The following ZCCHC4 variants were observed in gnomAD, a reference collection of about 807,000 sequenced individuals.
The protein encoded by ZCCHC4 is zinc finger CCHC-type containing 4, also known as rRNA N(6)-adenosine-methyltransferase ZCCHC4.
A neutral mutation model predicts 67.7 loss-of-function variants in ZCCHC4; 54 were observed. That is an observed-to-expected ratio of 0.80 (90% CI 0.64 to 1.00). The LOEUF is 1.00. ZCCHC4 is among the 50% of genes least tolerant of loss of function. The pLI, the probability that ZCCHC4 is intolerant of heterozygous loss-of-function variation, is 0.00. For synonymous variants in ZCCHC4, 198 were observed against 213.5 expected (o/e 0.93, Z 0.63); for missense variants, 609 against 617.0 (o/e 0.99, Z 0.14).
chr4:25,321,565 G>A (rs1470748072), intron 3 of ZCCHC4, among the ~76,000 whole-genome samples: 4 of 151,772 alleles, frequency 2.6e-5, no homozygotes, highest in Non-Finnish European at 5.9e-5. Context: ...TAGAGACAGG[G>A]TTTCACCATG....
At chr4:25,314,372 T>C (rs1051728842) in intron 2 of ZCCHC4, among the ~76,000 whole-genome samples, 2 of 152,224 alleles carry the variant, frequency 1.3e-5, no homozygotes, top group African/African-American at 4.8e-5. Flanking sequence ...AAGTCTTATT[T>C]CCCCATAAGA....
At chr4:25,344,101 A>G (rs1447609286) in intron 5 of ZCCHC4, among the ~76,000 whole-genome samples, 2 of 152,204 alleles carry the variant, frequency 1.3e-5, no homozygotes, top group South Asian at 2.1e-4. Context: ...GTACAAATAC[A>G]GTTAAGAAAT....
chr4:25,353,507 A>G (rs1444642952), intron 8 of ZCCHC4, among the ~76,000 whole-genome samples: 1 of 152,234 alleles, frequency 6.6e-6, no homozygotes, highest in Non-Finnish European at 1.5e-5. Context: ...GATAGCTGAC[A>G]TATTCTAAAG....
At chr4:25,320,957 ACTTT>A (rs1033730790) in intron 3 of ZCCHC4, among the ~76,000 whole-genome samples, 1 of 152,048 alleles carries the variant, frequency 6.6e-6, no homozygotes, top group African/African-American at 2.4e-5. Flanking sequence ...ATTGCTTTGA[ACTTT>A]CTTTCTTCCC....
chr4:25,368,568 G>A (rs539557725), intron 12 of ZCCHC4, among the ~76,000 whole-genome samples: 1 of 152,218 alleles, frequency 6.6e-6, no homozygotes, highest in South Asian at 2.1e-4. Context: ...TAGGAAACAG[G>A]CCCTTTCAAG....
At chr4:25,350,735 T>C (rs959790166) in intron 7 of ZCCHC4, among the ~76,000 whole-genome samples, 1 of 152,230 alleles carries the variant, frequency 6.6e-6, no homozygotes, top group Non-Finnish European at 1.5e-5. Flanking sequence ...ACTCATATTG[T>C]TAAGTATTTC....
At chr4:25,345,472 A>G (rs1719963412) in intron 5 of ZCCHC4, 76 bp from the exon 6 acceptor site, 1 of 860,606 alleles carries the variant, frequency 1.2e-6, no homozygotes, top group Admixed American at 3.1e-5. Flanking sequence ...GTGTGATTTT[A>G]TTGTTTTAAA....
At chr4:25,320,344 C>T (rs555454741) in intron 3 of ZCCHC4, among the ~76,000 whole-genome samples, 79 of 152,070 alleles carry the variant, frequency 5.2e-4, no homozygotes, top group African/African-American at 1.7e-3. Context: ...AGTTTTGTTT[C>T]GTTGATATTT....
At chr4:25,340,239 C>T (rs535402917) in intron 5 of ZCCHC4, among the ~76,000 whole-genome samples, 1 of 152,150 alleles carries the variant, frequency 6.6e-6, no homozygotes, top group South Asian at 2.1e-4. Context: ...GCTCTAGCAC[C>T]GTTTATTGAA....
intron 8 of ZCCHC4, among the ~76,000 whole-genome samples, chr4:25,354,229 G>A (rs570654936): frequency 6.6e-6 from 1 of 152,140 alleles, no homozygotes; most frequent in Non-Finnish European, 1.5e-5. Context: ...CACTTGTTAG[G>A]CAGTCTGTGT....
chr4:25,344,808 T>C (rs1385838560), intron 5 of ZCCHC4, among the ~76,000 whole-genome samples: 1 of 145,508 alleles, frequency 6.9e-6, no homozygotes, highest in Non-Finnish European at 1.5e-5. Context: ...TTGTATTACT[T>C]TTTTTTTTTT....
chr4:25,339,681 T>C (rs1285599570), intron 5 of ZCCHC4, among the ~76,000 whole-genome samples: 1 of 152,202 alleles, frequency 6.6e-6, no homozygotes, highest in Non-Finnish European at 1.5e-5. Context: ...GATTTGCTAA[T>C]ATTTTCTCTC....
At chr4:25,367,196 A>G (rs1720987918) in intron 12 of ZCCHC4, among the ~76,000 whole-genome samples, 2 of 152,084 alleles carry the variant, frequency 1.3e-5, no homozygotes, top group Admixed American at 6.5e-5. Context: ...TGCTAACTGG[A>G]ATGATGCTGG....
chr4:25,355,107 AAC>A (rs1356278463), intron 8 of ZCCHC4, among the ~76,000 whole-genome samples: 1 of 152,194 alleles, frequency 6.6e-6, no homozygotes, highest in East Asian at 1.9e-4. Flanking sequence ...TACAGAATAA[AAC>A]AGTCATCAAA....
chr4:25,356,046 C>G (rs114117365), intron 8 of ZCCHC4, among the ~76,000 whole-genome samples: 3 of 152,168 alleles, frequency 2.0e-5, no homozygotes, highest in African/African-American at 7.2e-5. Context: ...ATGGACGTCT[C>G]GGTCTCCATT....
At chr4:25,353,823 A>G (rs561814720) in intron 8 of ZCCHC4, among the ~76,000 whole-genome samples, 1 of 152,330 alleles carries the variant, frequency 6.6e-6, no homozygotes, top group South Asian at 2.1e-4. Context: ...CTTAACACAC[A>G]GCAAGTATTA....
chr4:25,326,947 A>T (rs1718912782), intron 3 of ZCCHC4, among the ~76,000 whole-genome samples: 1 of 152,182 alleles, frequency 6.6e-6, no homozygotes, highest in Admixed American at 6.5e-5. Flanking sequence ...ATGTATTTTA[A>T]TGTGGTTTTA....
At chr4:25,367,012 T>C (rs931422124) in intron 12 of ZCCHC4, among the ~76,000 whole-genome samples, 1 of 152,186 alleles carries the variant, frequency 6.6e-6, no homozygotes. Context: ...TAATAGTTAC[T>C]GCTTTCAAAA....
chr4:25,368,986 A>C (rs746200879), intron 12 of ZCCHC4, 43 bp from the exon 13 acceptor site: 4 of 1,578,138 alleles, frequency 2.5e-6, no homozygotes, highest in Non-Finnish European at 2.6e-6. Flanking sequence ...TACATAATTC[A>C]CTGTGCTCAT....
Sources: allele counts gnomAD v4.1 joint callset (sites outside exome capture counted in the v4.1 genomes callset), GRCh38; gene constraint gnomAD v4.1.1; transcripts MANE v1.5; gene names NCBI Gene and HGNC (gene_info 2026-07-23, HGNC 2026-07-21).